RPL3L: variants seen among roughly 807,000 people sequenced by gnomAD.
RPL3L encodes the protein ribosomal protein uL3-like.
RPL3L carries 44 observed loss-of-function variants against 44.5 expected under a neutral mutation model. That is an observed-to-expected ratio of 0.99 (90% CI 0.78 to 1.27). The LOEUF is 1.27. RPL3L is among the 50% of genes most tolerant of loss of function. The pLI, the probability that RPL3L is intolerant of heterozygous loss-of-function variation, is 0.00. For missense variants in RPL3L, 631 were observed against 569.1 expected (o/e 1.11, Z -1.11); for synonymous variants, 292 against 230.7 (o/e 1.27, Z -2.41).
Position 1,944,906 on chromosome 16 carries a change from G to A in RPL3L, c.1168-13C>T. ...TCTTTTGGGGGCCCTGGTTGAGAGGGTGGTGCAGGAGGAGCCTTAGTCACT... is the reference window on the plus strand; with the variant it reads ...TCTTTTGGGGGCCCTGGTTGAGAGGATGGTGCAGGAGGAGCCTTAGTCACT... On this transcript the variant is annotated splice_polypyrimidine_tract_variant and intron_variant, in intron 9 of 9. Coordinates refer to ENST00000268661, the MANE Select transcript of RPL3L (RefSeq NM_005061.3). 1 of 1,609,528 alleles carries A rather than the reference G, an allele frequency of 6.2e-7. No homozygotes were observed. The highest frequency in any genetic ancestry group is 1.4e-5 in the African/African-American group (1 of 72,768).
chr16:1,947,804 G>A (rs545023072), intron 4 of RPL3L, among the ~76,000 whole-genome samples: 2 of 152,284 alleles, frequency 1.3e-5, no homozygotes, highest in South Asian at 4.1e-4. Context: ...TGGCAGAGGA[G>A]GCCTTGGAAA....
intron 4 of RPL3L, among the ~76,000 whole-genome samples, chr16:1,950,204 C>A (rs972537629): frequency 6.6e-6 from 1 of 151,588 alleles, no homozygotes; most frequent in Non-Finnish European, 1.5e-5. Context: ...ATGTATGGGG[C>A]AGGTATTTAC....
intron 1 of RPL3L, 51 bp downstream of exon 1, chr16:1,954,578 C>A: frequency 1.3e-6 from 2 of 1,527,692 alleles, no homozygotes; most frequent in South Asian, 1.2e-5. Context: ...GTCCCACCCC[C>A]CCAGAGTTCC....
intron 7 of RPL3L, among the ~76,000 whole-genome samples, chr16:1,946,275 G>A (rs940525975): frequency 3.9e-5 from 6 of 152,328 alleles, no homozygotes; most frequent in South Asian, 2.1e-4. Context: ...AGGAGCTGCC[G>A]CACTCCACAC....
At chr16:1,953,079 C>T (rs1267165058) in intron 2 of RPL3L, 37 bp from the exon 3 acceptor site, 1 of 1,553,678 alleles carries the variant, frequency 6.4e-7, no homozygotes, top group East Asian at 2.3e-5. Context: ...GAAGGGGGAC[C>T]TCCTGAGGCC....
intron 2 of RPL3L, 85 bp downstream of exon 2, chr16:1,953,871 T>A: frequency 7.5e-7 from 1 of 1,334,498 alleles, no homozygotes; most frequent in Admixed American, 3.3e-5. Context: ...TGTGGCCCTG[T>A]CTGGACCAAA....
intron 3 of RPL3L, 88 bp from the exon 4 acceptor site, chr16:1,951,067 C>G: frequency 6.5e-7 from 1 of 1,527,846 alleles, no homozygotes; most frequent in Non-Finnish European, 8.8e-7. Flanking sequence ...CCCAGCCCAC[C>G]AAGCAGGGGT....
At position 1,947,113 on chromosome 16, in the gene RPL3L, G is replaced by C; in HGVS notation, c.689-15C>G. 6.2e-7 allele frequency: 1 copy of C among 1,613,348 alleles called. No individual in the cohort carries two copies. Among genetic ancestry groups the C allele is most frequent in the Non-Finnish European group, 8.5e-7 (1 of 1,179,974 alleles). ...GCTTGTGACCCCTGTGAGTGAGAGG[G>C]GCTGGTGGCTGAGAGGCCAGGCTGG... is the stretch of plus-strand genomic sequence containing the variant. On this transcript the variant is annotated splice_polypyrimidine_tract_variant and intron_variant, in intron 5 of 9. Transcript: ENST00000268661.
chr16:1,944,905 G>C lies in RPL3L; in HGVS notation c.1168-12C>G, dbSNP rs748165818. The C allele has an allele frequency of 5.6e-6, 9 of 1,610,170 alleles. No individual in the cohort carries two copies. Among genetic ancestry groups the C allele is most frequent in the Non-Finnish European group, 7.6e-6 (9 of 1,179,492 alleles). ...TTCTTTTGGGGGCCCTGGTTGAGAG[G>C]GTGGTGCAGGAGGAGCCTTAGTCAC... On this transcript the variant is annotated splice_polypyrimidine_tract_variant and intron_variant, in intron 9 of 9. Transcript: ENST00000268661.
rs765896548 is a variant in RPL3L, at chr16:1,947,201, G to T, written c.681C>A (p.Gly227=). The part of the protein sequence containing the change: ...IDVIAVTKGR[G]VKGVTSRWHT... ...ATCCTCACTGAGCCCTACCTTTGAC[G>T]CCTCGACCCTTGGTGACAGCAATGA... Residue 227 remains glycine (G), a synonymous_variant, in exon 5 of 10, where the codon GGC becomes GGA. Coordinates refer to ENST00000268661, the MANE Select transcript of RPL3L (RefSeq NM_005061.3). 4.3e-5 allele frequency: 70 copies of T among 1,612,720 alleles called. No homozygotes were observed. Among genetic ancestry groups the T allele is most frequent in the Non-Finnish European group, 5.9e-5 (69 of 1,179,354 alleles).
At chr16:1,954,177 C>T in intron 1 of RPL3L, 29 bp from the exon 2 acceptor site, 1 of 1,521,304 alleles carries the variant, frequency 6.6e-7, no homozygotes, top group Non-Finnish European at 8.8e-7. Context: ...GGAGGTCAGA[C>T]CTGGGGTGTC....
At chr16:1,954,599 C>T (rs1345987884) in intron 1 of RPL3L, 30 bp downstream of exon 1, 1 of 1,545,470 alleles carries the variant, frequency 6.5e-7, no homozygotes, top group South Asian at 1.2e-5. Flanking sequence ...AGCTCCAACC[C>T]CAGCCCACCC....
Position 1,945,546 on chromosome 16 carries a change from A to C in RPL3L, c.1120T>G (p.Phe374Val), listed in dbSNP as rs772575612. Residue 374 changes from phenylalanine (F) to valine (V), a missense_variant, in exon 9 of 10, where the codon TTC (phenylalanine) becomes GTC (valine). Transcript: ENST00000268661. ...ELKFIDTTSK[F>V]GHGRFQTAQE... Reference sequence around the variant, plus strand: ...GCTGTCTGGAAGCGGCCATGGCCGAACTTGGAGGTGGTGTCAATGAACTTG... The same window carrying C: ...GCTGTCTGGAAGCGGCCATGGCCGACCTTGGAGGTGGTGTCAATGAACTTG... 6.2e-7 allele frequency: 1 copy of C among 1,613,764 alleles called. No individual in the cohort carries two copies. The highest frequency in any genetic ancestry group is 1.1e-5 in the South Asian group (1 of 91,062).
At position 1,946,099 on chromosome 16, in the gene RPL3L, G is replaced by C. The variant is rs563033048; in HGVS notation, c.952-169C>G. ...GCCGCCCCTACTGAGGGCAGCATCT[G>C]AGTCACAAGCTAAGTCCTTTTCATG... On this transcript the variant is annotated intron_variant, in intron 7 of 9. Coordinates refer to ENST00000268661, the MANE Select transcript of RPL3L (RefSeq NM_005061.3). Among the ~76,000 whole-genome samples the C allele has an allele frequency of 2.2e-3, 336 of 152,380 alleles. 2 individuals are homozygous for C. The highest frequency in any genetic ancestry group is 7.5e-3 in the African/African-American group (313 of 41,602).
Position 1,947,312 on chromosome 16 carries a change from C to G in RPL3L, c.570G>C (p.Val190=). Residue 190 remains valine, a synonymous_variant, in exon 5 of 10, where the codon GTG becomes GTC. Transcript: ENST00000268661. ...IMEIQLNGGT[V]AEKVAWAQAR... The stretch of plus-strand genomic sequence containing the variant: ...CCTGGGCCCAGGCCACCTTCTCGGC[C>G]ACCGTGCCACCGTTCAGCTGGATCT... 6.2e-7 allele frequency: 1 copy of G among 1,612,054 alleles called. No individual in the cohort carries two copies. The highest frequency in any genetic ancestry group is 8.5e-7 in the Non-Finnish European group (1 of 1,179,622).
chr16:1,950,046 A>G (rs1340120931), intron 4 of RPL3L, among the ~76,000 whole-genome samples: 1,190 of 45,408 alleles, frequency 0.026, 59 homozygotes, highest in African/African-American at 0.082. Context: ...GGGCAGGTAT[A>G]GACAGAGCAG....
chr16:1,944,558 A>AC lies in RPL3L; in HGVS notation c.*278_*279insG. On this transcript the variant is annotated 3_prime_UTR_variant, in exon 10 of 10. Coordinates refer to ENST00000268661, the MANE Select transcript of RPL3L (RefSeq NM_005061.3). ...AAGACTCTCTCAAAAAAAAAAAAAAAAAAAACCTCTGCTCCGCAAATGCTC... is the reference window on the plus strand; with the variant it reads ...AAGACTCTCTCAAAAAAAAAAAAAAACAAAAACCTCTGCTCCGCAAATGCTC... The AC allele has an allele frequency of 2.6e-5, 8 of 309,642 alleles. No homozygotes were observed. The East Asian group carries it at 4.5e-4, about 17-fold the overall frequency. The allele number at this position is 309,642 out of a possible 1,614,324, so 19.2% of individuals were successfully genotyped here. A position where few individuals can be genotyped will look rare whatever the true frequency, so the allele number is the denominator to read the frequency against.
intron 4 of RPL3L, 76 bp from the exon 5 acceptor site, chr16:1,947,456 T>C: frequency 7.0e-7 from 1 of 1,430,820 alleles, no homozygotes; most frequent in Non-Finnish European, 9.2e-7. Flanking sequence ...TGGCCAGCAG[T>C]GACCCCTGCC....
In RPL3L at chr16:1,944,193, G is replaced by T. The variant is rs1323417800; in HGVS notation, c.*644C>A. The stretch of plus-strand genomic sequence containing the variant: ...CCTGGGGACTAGATTGCATTTTTAG[G>T]ACTAACATTAGCCACAATATTGGGA... On this transcript the variant is annotated 3_prime_UTR_variant, in exon 10 of 10. Coordinates refer to ENST00000268661, the MANE Select transcript of RPL3L (RefSeq NM_005061.3). 6.6e-6 allele frequency: 1 copy of T among 152,230 alleles called. No individual in the cohort carries two copies. Among genetic ancestry groups the T allele is most frequent in the African/African-American group, 2.4e-5 (1 of 41,388 alleles). The allele number at this position is 152,230 out of a possible 1,614,324, so 9.4% of individuals were successfully genotyped here. A position where few individuals can be genotyped will look rare whatever the true frequency, so the allele number is the denominator to read the frequency against.
Sources: allele counts gnomAD v4.1 joint callset (sites outside exome capture counted in the v4.1 genomes callset), GRCh38; gene constraint gnomAD v4.1.1; transcripts MANE v1.5; gene names NCBI Gene and HGNC (gene_info 2026-07-23, HGNC 2026-07-21).